Variants in GFRA2 observed in about 807,000 individuals in gnomAD.
GFRA2 encodes GDNF family receptor alpha 2, also known as GDNF family receptor alpha-2.
In GFRA2, 17 loss-of-function variants were observed where a neutral mutation model predicts 48.3. The ratio of observed to expected loss-of-function variants is 0.35; its 90% CI spans 0.24 to 0.53. The LOEUF (loss-of-function observed/expected upper bound fraction) is 0.53. Among genes scored for constraint, GFRA2 ranks in the 20% least tolerant of loss-of-function variants. The probability of loss-of-function intolerance (pLI) is 0.93; values close to 1 mark genes in which losing one functional copy is unlikely to be tolerated. For missense variants in GFRA2, 660 were observed against 637.3 expected (o/e 1.04, Z -0.38); for synonymous variants, 305 against 257.2 (o/e 1.19, Z -1.78).
intron 3 of GFRA2, among the ~76,000 whole-genome samples, chr8:21,763,950 AACACACACACACACACACAC>A (rs527247743): frequency 0.14 from 16,837 of 123,410 alleles, 1,325 homozygotes; most frequent in South Asian, 0.24. Context: ...GTCACTAGGT[AACACACACACACACACACAC>A]ACACACACAC....
intron 4 of GFRA2, among the ~76,000 whole-genome samples, chr8:21,713,652 A>C (rs1384755213): frequency 6.6e-6 from 1 of 152,142 alleles, no homozygotes; most frequent in East Asian, 1.9e-4. Context: ...TGTGGTCCGC[A>C]GACCAAAAGC....
chr8:21,789,982 C>G (rs1472330426), upstream of GFRA2: 1 of 772,806 alleles, frequency 1.3e-6, no homozygotes, highest in Admixed American at 6.2e-5. Context: ...AGGCAGCTCC[C>G]GGCTCCCTAG....
chr8:21,714,743 A>G lies in GFRA2; in HGVS notation c.795-8702T>C, dbSNP rs549473124. Among the ~76,000 whole-genome samples, 3 of 152,304 alleles carry G rather than the reference A, an allele frequency of 2.0e-5. No individual in the cohort carries two copies. The South Asian group carries it at 6.2e-4, about 32-fold the overall frequency. ...CACAATGAGGACACAGAAGCTCAGA[A>G]AGGCTGGATCGCACAGTCACACAAC... On this transcript the variant is annotated intron_variant, in intron 4 of 8. Coordinates refer to ENST00000524240, the MANE Select transcript of GFRA2 (RefSeq NM_001495.5).
At chr8:21,704,062 T>C (rs1802618148) in intron 6 of GFRA2, among the ~76,000 whole-genome samples, 1 of 152,238 alleles carries the variant, frequency 6.6e-6, no homozygotes. Flanking sequence ...TATCTACCTG[T>C]CCAGATAACT....
At chr8:21,784,173 G>T (rs1401422418) in intron 1 of GFRA2, 2 of 400,502 alleles carry the variant, frequency 5.0e-6, no homozygotes, top group Non-Finnish European at 1.0e-5. Flanking sequence ...TAGGTGAACG[G>T]CAGGGACAGG....
chr8:21,697,231 G>C (rs1457324905), intron 7 of GFRA2, among the ~76,000 whole-genome samples: 2 of 128,444 alleles, frequency 1.6e-5, no homozygotes, highest in African/African-American at 5.9e-5. Flanking sequence ...CATGGTAAGG[G>C]GAGGAAGCTG....
chr8:21,739,736 G>A, intron 4 of GFRA2, among the ~76,000 whole-genome samples: 1 of 147,398 alleles, frequency 6.8e-6, no homozygotes, highest in Non-Finnish European at 1.5e-5. Flanking sequence ...AAAACATCCT[G>A]GGCAGGACTT....
intron 3 of GFRA2, among the ~76,000 whole-genome samples, chr8:21,751,929 A>G (rs930986075): frequency 1.3e-5 from 2 of 152,180 alleles, no homozygotes; most frequent in African/African-American, 2.4e-5. Flanking sequence ...GAACAGCACA[A>G]TAGCCAAGAC....
At chr8:21,717,507 T>C (rs1204709836) in intron 4 of GFRA2, among the ~76,000 whole-genome samples, 1 of 152,254 alleles carries the variant, frequency 6.6e-6, no homozygotes, top group East Asian at 1.9e-4. Flanking sequence ...GTTCATTATG[T>C]TCATTTTTAA....
chr8:21,701,132 C>T (rs1198502953), intron 7 of GFRA2, among the ~76,000 whole-genome samples: 2 of 152,246 alleles, frequency 1.3e-5, no homozygotes, highest in Admixed American at 6.5e-5. Flanking sequence ...CGGGGGCTCA[C>T]GCCTGTAATC....
At chr8:21,783,772 G>A (rs1807131556) in intron 1 of GFRA2, among the ~76,000 whole-genome samples, 1 of 151,064 alleles carries the variant, frequency 6.6e-6, no homozygotes, top group Non-Finnish European at 1.5e-5. Flanking sequence ...TGCCCCCCGC[G>A]CCCCCTGCTC....
At chr8:21,736,684 T>C (rs755041458) in intron 4 of GFRA2, among the ~76,000 whole-genome samples, 6 of 151,970 alleles carry the variant, frequency 3.9e-5, no homozygotes, top group Non-Finnish European at 7.4e-5. Flanking sequence ...GTATTTTTAA[T>C]AGAGACAGTG....
intron 4 of GFRA2, among the ~76,000 whole-genome samples, chr8:21,721,794 A>G (rs1456740608): frequency 2.6e-5 from 4 of 152,108 alleles, no homozygotes; most frequent in African/African-American, 9.7e-5. Context: ...TGCCCACCAC[A>G]TCCCAGACCC....
At position 21,750,575 on chromosome 8, in the gene GFRA2, C is replaced by G. The variant is rs1205408650; in HGVS notation, c.794+13G>C. On this transcript the variant is annotated intron_variant, in intron 4 of 8. Coordinates refer to ENST00000524240, the MANE Select transcript of GFRA2 (RefSeq NM_001495.5). This position sits in a 1 kb window ranked among gnomAD's most constrained non-coding sequence, Gnocchi z 5.7. ...CCTCCTGCCAGCACCACCGGGGCTG[C>G]CGCGGCACTCACCGACACAGGTGGT... 1 of 1,532,118 alleles carries G rather than the reference C, an allele frequency of 6.5e-7. No homozygotes were observed. The highest frequency in any genetic ancestry group is 8.9e-7 in the Non-Finnish European group (1 of 1,120,614). 94.9% of individuals were successfully genotyped at this position (1,532,118 alleles called of 1,614,324 possible). A position where few individuals can be genotyped will look rare whatever the true frequency, so the allele number is the denominator to read the frequency against.
chr8:21,733,331 G>A (rs1456790664), intron 4 of GFRA2, among the ~76,000 whole-genome samples: 3 of 152,160 alleles, frequency 2.0e-5, no homozygotes, highest in African/African-American at 7.2e-5. Context: ...CCCACACCCA[G>A]GCCCTGGCCT....
At chr8:21,727,545 C>G (rs572942843) in intron 4 of GFRA2, among the ~76,000 whole-genome samples, 3 of 152,340 alleles carry the variant, frequency 2.0e-5, no homozygotes, top group East Asian at 1.9e-4. Flanking sequence ...ACGGCCCCCC[C>G]CAGGAGACAG....
intron 4 of GFRA2, among the ~76,000 whole-genome samples, chr8:21,743,293 A>T (rs1804844330): frequency 6.6e-6 from 1 of 152,110 alleles, no homozygotes. Flanking sequence ...GGATGTGGCT[A>T]TTGGACTCTG....
intron 4 of GFRA2, among the ~76,000 whole-genome samples, chr8:21,745,016 C>T (rs571502147): frequency 3.3e-5 from 5 of 152,292 alleles, no homozygotes; most frequent in South Asian, 2.1e-4. Context: ...CCCAAAACCC[C>T]GAGGCCCAGC....
intron 2 of GFRA2, chr8:21,797,678 C>G (rs1446886168): frequency 6.6e-6 from 1 of 152,128 alleles, no homozygotes; most frequent in Non-Finnish European, 1.5e-5. Flanking sequence ...CCATCTTTGT[C>G]TACTACAGGC....
Sources: gnomAD v4.1 joint callset for allele counts (sites outside exome capture counted in the v4.1 genomes callset) on GRCh38, gnomAD v4.1.1 for gene constraint, Gnocchi (gnomAD v3.1) non-coding constraint, MANE v1.5 for transcripts, NCBI Gene and HGNC (gene_info 2026-07-23, HGNC 2026-07-21) for gene names.